The following ROBO2 variants were observed in gnomAD, a reference collection of about 807,000 sequenced individuals.
The protein encoded by ROBO2 is roundabout guidance receptor 2, also known as roundabout homolog 2.
A neutral mutation model predicts 160.8 loss-of-function variants in ROBO2; 53 were observed. The ratio of observed to expected loss-of-function variants is 0.33; its 90% confidence interval spans 0.26 to 0.41. The LOEUF is 0.41. ROBO2 is among the 10% of genes least tolerant of loss of function. The pLI, the probability that ROBO2 is intolerant of heterozygous loss-of-function variation, is 1.00. For synonymous variants in ROBO2, 664 were observed against 611.7 expected (o/e 1.09, Z -1.26); for missense variants, 1,577 against 1,722.4 (o/e 0.92, Z 1.49).
intron 2 of ROBO2, among the ~76,000 whole-genome samples, chr3:76,993,159 A>G (rs963508326): frequency 6.6e-6 from 1 of 152,162 alleles, no homozygotes; most frequent in Non-Finnish European, 1.5e-5. Context: ...AAAAAGTTTC[A>G]AGAAAAATAA....
chr3:77,379,644 C>A (rs2073172180), intron 2 of ROBO2, among the ~76,000 whole-genome samples: 1 of 152,084 alleles, frequency 6.6e-6, no homozygotes. Context: ...TGACGTTTAT[C>A]CTTTGTCCCC....
At chr3:77,322,804 T>G (rs183790612) in intron 2 of ROBO2, among the ~76,000 whole-genome samples, 2,794 of 127,738 alleles carry the variant, frequency 0.022, 251 homozygotes, top group African/African-American at 0.087. Context: ...TGTAATATAT[T>G]ATATTATACA....
At chr3:76,328,102 A>G (rs1047586146) in intron 2 of ROBO2, among the ~76,000 whole-genome samples, 13 of 152,224 alleles carry the variant, frequency 8.5e-5, no homozygotes, top group African/African-American at 2.4e-5. Flanking sequence ...TTTCAGATCA[A>G]CATATACAAT....
At chr3:76,254,735 C>CAGAGAG (rs36108761) in intron 2 of ROBO2, among the ~76,000 whole-genome samples, 8 of 148,524 alleles carry the variant, frequency 5.4e-5, no homozygotes, top group Non-Finnish European at 1.0e-4. Flanking sequence ...TACTCTCTCT[C>CAGAGAG]AGAGAGAGAG....
intron 1 of ROBO2, among the ~76,000 whole-genome samples, chr3:77,088,356 T>C (rs1022592447): frequency 5.3e-5 from 8 of 152,210 alleles, no homozygotes; most frequent in African/African-American, 1.9e-4. Flanking sequence ...CTGAAGGTTT[T>C]ATTTTACATA....
intron 2 of ROBO2, among the ~76,000 whole-genome samples, chr3:76,613,132 ACT>A (rs1253056098): frequency 6.6e-6 from 1 of 151,684 alleles, no homozygotes; most frequent in Non-Finnish European, 1.5e-5. Context: ...GTAAGGACTT[ACT>A]CCTGCCATTT....
At chr3:77,574,443 T>C (rs2093711864) in intron 13 of ROBO2, 56 bp from the exon 15 acceptor site, 1 of 1,411,658 alleles carries the variant, frequency 7.1e-7, no homozygotes, top group Non-Finnish European at 1.0e-6. Flanking sequence ...ACAAATTCAT[T>C]GTGTTGTCTA....
intron 2 of ROBO2, among the ~76,000 whole-genome samples, chr3:77,397,303 T>A (rs2075370941): frequency 6.6e-6 from 1 of 152,128 alleles, no homozygotes; most frequent in Non-Finnish European, 1.5e-5. Flanking sequence ...ACTTTCACAG[T>A]GGAAACTCCT....
intron 2 of ROBO2, among the ~76,000 whole-genome samples, chr3:77,320,991 C>G (rs1437120523): frequency 6.6e-6 from 1 of 151,998 alleles, no homozygotes; most frequent in African/African-American, 2.4e-5. Flanking sequence ...TTCAGTAATC[C>G]CACACATACA....
At chr3:76,309,921 T>C (rs947096117) in intron 2 of ROBO2, among the ~76,000 whole-genome samples, 1 of 152,134 alleles carries the variant, frequency 6.6e-6, no homozygotes, top group Non-Finnish European at 1.5e-5. Flanking sequence ...CCTCCCAGAC[T>C]TAAGTGATCC....
At chr3:77,277,215 C>CT (rs2059934128) in intron 2 of ROBO2, among the ~76,000 whole-genome samples, 5 of 71,560 alleles carry the variant, frequency 7.0e-5, no homozygotes, top group Non-Finnish European at 1.2e-4. Context: ...TTTCTTTCTT[C>CT]TTTCTTTCTT....
intron 2 of ROBO2, among the ~76,000 whole-genome samples, chr3:76,335,601 G>A (rs763643402): frequency 7.6e-5 from 11 of 144,944 alleles, no homozygotes; most frequent in South Asian, 2.2e-4. Context: ...TTTTTGAGAC[G>A]GAGTCTCGCT....
chr3:76,015,666 G>T (rs549857179), intron 2 of ROBO2, among the ~76,000 whole-genome samples: 2 of 152,146 alleles, frequency 1.3e-5, no homozygotes, highest in Non-Finnish European at 2.9e-5. Context: ...GCCAGATGGC[G>T]CACACAATCC....
At chr3:77,323,541 A>G (rs1581064500) in intron 2 of ROBO2, among the ~76,000 whole-genome samples, 1 of 152,290 alleles carries the variant, frequency 6.6e-6, no homozygotes, top group East Asian at 1.9e-4. Context: ...GTATCAAATG[A>G]GTTTGTCATC....
intron 2 of ROBO2, among the ~76,000 whole-genome samples, chr3:76,436,905 T>G (rs2076707049): frequency 1.3e-5 from 2 of 152,196 alleles, no homozygotes; most frequent in Admixed American, 1.3e-4. Context: ...ATCACTGATT[T>G]TAAACTGCAA....
chr3:76,014,888 A>G (rs1479401936), intron 2 of ROBO2, among the ~76,000 whole-genome samples: 2 of 152,186 alleles, frequency 1.3e-5, no homozygotes, highest in Non-Finnish European at 2.9e-5. Flanking sequence ...TGATCGCGCT[A>G]CTGCACTCCA....
intron 2 of ROBO2, among the ~76,000 whole-genome samples, chr3:77,129,012 C>T (rs1462133442): frequency 3.9e-5 from 6 of 152,008 alleles, no homozygotes; most frequent in South Asian, 2.1e-4. Flanking sequence ...AAAGCTGTTG[C>T]GTGAGTATTG....
At chr3:77,573,940 A>C (rs937823163) in intron 13 of ROBO2, among the ~76,000 whole-genome samples, 1 of 151,788 alleles carries the variant, frequency 6.6e-6, no homozygotes, top group Non-Finnish European at 1.5e-5. Context: ...ACCTCAGCTC[A>C]TGAGGGCAGG....
intron 1 of ROBO2, among the ~76,000 whole-genome samples, chr3:77,095,342 G>A (rs2070898521): frequency 2.6e-5 from 4 of 151,946 alleles, no homozygotes. Context: ...TTGCTAAATA[G>A]CTTAGCTATT....
Sources: gnomAD v4.1 joint callset for allele counts (sites outside exome capture counted in the v4.1 genomes callset) on GRCh38, gnomAD v4.1.1 for gene constraint, MANE v1.5 for transcripts, NCBI Gene and HGNC (gene_info 2026-07-23, HGNC 2026-07-21) for gene names.